The following DYNC2I1 variants were observed in gnomAD, a reference collection of about 807,000 sequenced individuals.
DYNC2I1 encodes the protein cytoplasmic dynein 2 intermediate chain 1.
A neutral mutation model predicts 133.4 loss-of-function variants in DYNC2I1; 89 were observed. The ratio of observed to expected loss-of-function variants is 0.67; its 90% CI spans 0.56 to 0.80. The LOEUF (loss-of-function observed/expected upper bound fraction) is 0.80, where lower values mean the gene tolerates loss of function less well. Ranked by LOEUF, DYNC2I1 falls within the 30% of genes least tolerant of loss-of-function variation. The pLI is 0.00. For synonymous variants in DYNC2I1, 504 were observed against 484.3 expected (o/e 1.04, Z -0.54); for missense variants, 1,291 against 1,314.5 (o/e 0.98, Z 0.28).
chr7:158,872,771 C>G (rs996482781), intron 3 of DYNC2I1, among the ~76,000 whole-genome samples: 1 of 151,712 alleles, frequency 6.6e-6, no homozygotes, highest in African/African-American at 2.4e-5. Context: ...CCGAGGTGGG[C>G]AGATCACTTG....
the DYNC2I1 span, among the ~76,000 whole-genome samples, chr7:158,848,999 T>A: frequency 3.3e-5 from 5 of 152,274 alleles, no homozygotes; most frequent in South Asian, 1.0e-3. Flanking sequence ...ACAAGTCTTC[T>A]GTATTTGCCC....
the DYNC2I1 span, among the ~76,000 whole-genome samples, chr7:158,848,917 C>T: frequency 7.4e-5 from 10 of 134,960 alleles, no homozygotes; most frequent in East Asian, 1.5e-3. Context: ...AGTGAGACTC[C>T]GTTTCAAAAA....
At chr7:158,856,852 C>G in intron 1 of DYNC2I1, 102 bp downstream of exon 1, 1 of 1,196,824 alleles carries the variant, frequency 8.4e-7, no homozygotes, top group Non-Finnish European at 1.0e-6. Flanking sequence ...CGCAGCGGTT[C>G]TCTCGGCCGG....
intron 1 of DYNC2I1, among the ~76,000 whole-genome samples, chr7:158,862,425 A>G (rs535013731): frequency 1.3e-5 from 2 of 152,172 alleles, no homozygotes; most frequent in South Asian, 4.1e-4. Flanking sequence ...TGACATTGGT[A>G]GGTTAATTTA....
At chr7:158,855,922 A>C (rs1040230041), upstream of DYNC2I1, among the ~76,000 whole-genome samples, 1 of 151,202 alleles carries the variant, frequency 6.6e-6, no homozygotes, top group African/African-American at 2.4e-5. Flanking sequence ...AGCCTTATTC[A>C]AATGTAAAGC....
the DYNC2I1 span, among the ~76,000 whole-genome samples, chr7:158,841,835 C>T: frequency 2.6e-5 from 4 of 152,120 alleles, no homozygotes; most frequent in East Asian, 1.9e-4. Context: ...GTGAGGTTGA[C>T]GTGAGGTTCA....
intron 3 of DYNC2I1, among the ~76,000 whole-genome samples, chr7:158,875,698 G>C (rs1035614142): frequency 6.6e-6 from 1 of 152,100 alleles, no homozygotes; most frequent in Non-Finnish European, 1.5e-5. Context: ...TGGCTTCCTT[G>C]TTGATTCAGG....
At chr7:158,886,389 C>T (rs937924624) in intron 6 of DYNC2I1, among the ~76,000 whole-genome samples, 7 of 152,094 alleles carry the variant, frequency 4.6e-5, no homozygotes, top group African/African-American at 1.4e-4. Context: ...CCACCTTGGC[C>T]TCCCAAAGTG....
rs1005431210 is a variant in DYNC2I1 at position 158,944,342 on chromosome 7, G to C, written c.3003-1239G>C. ...TGTGTAAAAGAGCTGACGGGTGCTA[G>C]TACTGTGTTTGCACATCTGCCGTAG... On this transcript the variant is annotated intron_variant, in intron 24 of 24. Coordinates refer to ENST00000407559, the MANE Select transcript of DYNC2I1 (RefSeq NM_018051.5). Among the ~76,000 whole-genome samples the C allele has an allele frequency of 6.6e-5, 10 of 152,046 alleles. No individual in the cohort carries two copies. In the South Asian group the frequency reaches 2.1e-3, roughly 31 times the overall value.
At chr7:158,915,852 C>G (rs113779560) in intron 14 of DYNC2I1, among the ~76,000 whole-genome samples, 65 of 86,070 alleles carry the variant, frequency 7.6e-4, no homozygotes, top group South Asian at 2.6e-3. Flanking sequence ...CGCTGGTTGA[C>G]ATTAAGGATG....
intron 21 of DYNC2I1, among the ~76,000 whole-genome samples, chr7:158,932,044 G>A (rs900718254): frequency 6.6e-6 from 1 of 152,172 alleles, no homozygotes; most frequent in Non-Finnish European, 1.5e-5. Context: ...CAGGGCCCAG[G>A]AGTTGTGAGC....
At chr7:158,853,414 C>T (rs149780463), upstream of DYNC2I1, among the ~76,000 whole-genome samples, 452 of 152,256 alleles carry the variant, frequency 3.0e-3, no homozygotes, top group South Asian at 6.4e-3. Context: ...ACAGTCGATT[C>T]TCTCTGAAGC....
intron 1 of DYNC2I1, among the ~76,000 whole-genome samples, chr7:158,867,457 G>T (rs1842507859): frequency 6.6e-6 from 1 of 152,212 alleles, no homozygotes; most frequent in Non-Finnish European, 1.5e-5. Flanking sequence ...CAAAGCTCAT[G>T]CTCCCCTCGG....
rs1563085101 is a variant in DYNC2I1, at chr7:158,871,199, A to G, written c.127A>G (p.Lys43Glu). Residue 43 changes from lysine to glutamate, a missense_variant, in exon 3 of 25, where the codon AAG becomes GAG. Coordinates refer to ENST00000407559, the MANE Select transcript of DYNC2I1 (RefSeq NM_018051.5). ...ERKHREKKLRKESEMDLPEHK... is the reference protein window; with the variant it reads ...ERKHREKKLREESEMDLPEHK... ...AAAGCACAGAGAGAAGAAGCTGCGTAAGGAGTCTGAGATGGACCTTCCTGA... is the reference window on the plus strand; with the variant it reads ...AAAGCACAGAGAGAAGAAGCTGCGTGAGGAGTCTGAGATGGACCTTCCTGA... 3.7e-6 allele frequency: 6 copies of G among 1,613,774 alleles called. No homozygotes were observed. Among genetic ancestry groups the G allele is most frequent in the East Asian group, 2.2e-5 (1 of 44,872 alleles).
chr7:158,901,594 C>T (rs1846266380), intron 8 of DYNC2I1, 145 bp from the exon 9 acceptor site: 3 of 597,290 alleles, frequency 5.0e-6, no homozygotes, highest in Middle Eastern at 4.4e-4. Flanking sequence ...AGGAATTTAA[C>T]ATTATATTAG....
chr7:158,911,672 C>G lies in DYNC2I1; in HGVS notation c.1583C>G (p.Thr528Ser), dbSNP rs746915742. The change falls in exon 12 of 25, where the codon ACC (threonine) becomes AGC (serine). Residue 528 changes from threonine to serine, a missense_variant. By Grantham distance (58) the Thr-to-Ser change is moderately conservative. Transcript: ENST00000407559. Reference sequence around the variant, plus strand: ...ATCAGAAACTTTGGGAAAAAAAATACCAAGCAGGTAAGTATGAGATGTGTT... The same window carrying G: ...ATCAGAAACTTTGGGAAAAAAAATAGCAAGCAGGTAAGTATGAGATGTGTT... ...MYIRNFGKKN[T>S]KQAYVQCNED... The G allele has an allele frequency of 6.2e-7, 1 of 1,609,664 alleles. No individual in the cohort carries two copies.
rs909010088 is a variant in DYNC2I1 at position 158,856,625 on chromosome 7, A to G, written c.-111A>G. 8.9e-6 allele frequency: 10 copies of G among 1,128,672 alleles called. No individual in the cohort carries two copies. Among genetic ancestry groups the G allele is most frequent in the Non-Finnish European group, 1.1e-5 (10 of 894,412 alleles). 69.9% of individuals were successfully genotyped at this position (1,128,672 alleles called of 1,614,324 possible). A position where few individuals can be genotyped will look rare whatever the true frequency, so the allele number is the denominator to read the frequency against. On this transcript the variant is annotated 5_prime_UTR_variant, in exon 1 of 25. Transcript: ENST00000407559. The stretch of plus-strand genomic sequence containing the variant: ...CTGCTGCTCCTGCTTGTCGGTTGCT[A>G]GGCGCTGGGACGCGCCTCCCGAAGG...
At chr7:158,862,497 G>GT (rs1440904773) in intron 1 of DYNC2I1, among the ~76,000 whole-genome samples, 1 of 142,598 alleles carries the variant, frequency 7.0e-6, no homozygotes, top group Non-Finnish European at 1.5e-5. Flanking sequence ...AGGGAGGATT[G>GT]TTTGAGGATG....
rs1842850629 is a variant in DYNC2I1, at chr7:158,871,292, C to T, written c.220C>T (p.His74Tyr). 1 of 1,584,238 alleles carries T rather than the reference C, an allele frequency of 6.3e-7. No individual in the cohort carries two copies. The highest frequency in any genetic ancestry group is 1.3e-5 in the African/African-American group (1 of 74,282). The stretch of plus-strand genomic sequence containing the variant: ...GAGCAGAGACAGGGTGGCCGAAGTC[C>T]ACACCGCTAAGGAGAGTCCTCGTGG... ...ARSRDRVAEVHTAKESPRGER... is the reference protein window; with the variant it reads ...ARSRDRVAEVYTAKESPRGER... The change falls in exon 3 of 25, where the codon CAC becomes TAC. Residue 74 changes from histidine to tyrosine, a missense_variant. Transcript: ENST00000407559.
Sources: gnomAD v4.1 joint callset for allele counts (sites outside exome capture counted in the v4.1 genomes callset) on GRCh38, gnomAD v4.1.1 for gene constraint, MANE v1.5 for transcripts, NCBI Gene and HGNC (gene_info 2026-07-23, HGNC 2026-07-21) for gene names.